The following LRRTM4 variants were observed in gnomAD, a reference collection of about 807,000 sequenced individuals.
The protein encoded by LRRTM4 is leucine-rich repeat transmembrane neuronal protein 4.
In LRRTM4, 25 loss-of-function variants were observed where a neutral mutation model predicts 47.6. The observed-to-expected ratio is 0.53, with a 90% CI of 0.38 to 0.73. LRRTM4 has a LOEUF of 0.73. Among genes scored for constraint, LRRTM4 ranks in the 30% least tolerant of loss-of-function variants. LRRTM4 has a pLI of 0.00. For missense variants in LRRTM4, 638 were observed against 713.4 expected, an observed-to-expected ratio of 0.89 and a Z score of 1.20; for synonymous variants, 311 against 269.5, an observed-to-expected ratio of 1.15 and a Z score of -1.51.
chr2:76,842,681 G>A (rs540695507), intron 3 of LRRTM4, among the ~76,000 whole-genome samples: 3 of 152,260 alleles, frequency 2.0e-5, no homozygotes, highest in Non-Finnish European at 4.4e-5. Flanking sequence ...ATGTAGAGGA[G>A]AGAATTAACC....
At chr2:76,909,900 A>G (rs1269178002) in intron 3 of LRRTM4, among the ~76,000 whole-genome samples, 1 of 152,236 alleles carries the variant, frequency 6.6e-6, no homozygotes, top group East Asian at 1.9e-4. Flanking sequence ...TGTTGGTGGG[A>G]CTGTCAACTA....
At position 76,908,043 on chromosome 2, in the gene LRRTM4, A is replaced by G. The variant is rs193209438; in HGVS notation, c.1552-159127T>C. ...AAGCTGGGCAGAGACACAGCCAAAA[A>G]ACAGAATTTTAGACCAATATCCTTG... On this transcript the variant is annotated intron_variant, in intron 3 of 3. Transcript: ENST00000409884. Among the ~76,000 whole-genome samples the G allele has an allele frequency of 2.2e-3, 333 of 152,172 alleles. 1 individual carries two copies. The highest frequency in any genetic ancestry group is 7.8e-3 in the African/African-American group (325 of 41,520).
intron 3 of LRRTM4, among the ~76,000 whole-genome samples, chr2:77,105,572 C>G (rs989094021): frequency 6.6e-6 from 1 of 151,908 alleles, no homozygotes; most frequent in Non-Finnish European, 1.5e-5. Context: ...TGACGAGTTA[C>G]TGGGTGCAGC....
chr2:76,986,794 T>G (rs1676814599), intron 3 of LRRTM4, among the ~76,000 whole-genome samples: 1 of 151,960 alleles, frequency 6.6e-6, no homozygotes, highest in Non-Finnish European at 1.5e-5. Flanking sequence ...TCCTTGGACT[T>G]TGCAGCTATA....
intron 3 of LRRTM4, among the ~76,000 whole-genome samples, chr2:76,898,672 TAG>T (rs149740961): frequency 0.081 from 12,225 of 151,436 alleles, 875 homozygotes; most frequent in East Asian, 0.38. Flanking sequence ...CACAGCCATA[TAG>T]AGTTTCCTGA....
intron 3 of LRRTM4, among the ~76,000 whole-genome samples, chr2:77,271,584 G>A (rs1176143586): frequency 3.9e-5 from 6 of 152,082 alleles, no homozygotes; most frequent in African/African-American, 7.2e-5. Flanking sequence ...GAAAAGTGCT[G>A]CATCATTAGT....
intron 3 of LRRTM4, among the ~76,000 whole-genome samples, chr2:77,308,828 A>C (rs1013530290): frequency 1.5e-5 from 2 of 132,696 alleles, no homozygotes; most frequent in Non-Finnish European, 3.2e-5. Flanking sequence ...CCTCTATCCA[A>C]TTATGCTTTA....
intron 3 of LRRTM4, among the ~76,000 whole-genome samples, chr2:76,998,920 A>G (rs1677307710): frequency 6.6e-6 from 1 of 152,082 alleles, no homozygotes; most frequent in African/African-American, 2.4e-5. Context: ...AACCACTATC[A>G]TAAAGAATAT....
At chr2:77,318,555 G>A (rs1677688835) in intron 3 of LRRTM4, among the ~76,000 whole-genome samples, 1 of 152,190 alleles carries the variant, frequency 6.6e-6, no homozygotes, top group Non-Finnish European at 1.5e-5. Flanking sequence ...CCCTTTTCAA[G>A]GCACAAAGCC....
At chr2:77,515,888 T>C (rs180799333) in intron 3 of LRRTM4, among the ~76,000 whole-genome samples, 5 of 152,008 alleles carry the variant, frequency 3.3e-5, no homozygotes, top group Admixed American at 2.6e-4. Flanking sequence ...TCTAAGAGTT[T>C]GCTTTTCCTC....
chr2:77,297,478 C>G (rs187454708), intron 3 of LRRTM4, among the ~76,000 whole-genome samples: 2 of 152,268 alleles, frequency 1.3e-5, no homozygotes, highest in South Asian at 2.1e-4. Context: ...AGAGGAAAGA[C>G]AGAAGTACAC....
chr2:77,517,933 G>A, intron 3 of LRRTM4: 7 of 998,930 alleles, frequency 7.0e-6, no homozygotes, highest in Non-Finnish European at 7.1e-6. Context: ...TTTAAATTAA[G>A]CTGGCCCTCT....
chr2:77,177,333 T>C (rs374315307), intron 3 of LRRTM4, among the ~76,000 whole-genome samples: 43 of 152,248 alleles, frequency 2.8e-4, no homozygotes, highest in African/African-American at 9.1e-4. Flanking sequence ...GATGAACAAA[T>C]AGACAGTAGC....
rs541032953 is a variant in LRRTM4 at position 76,800,936 on chromosome 2, AG to A, written c.1552-52021del. Among the ~76,000 whole-genome samples, 29 of 151,234 alleles carry A rather than the reference AG, an allele frequency of 1.9e-4. 2 individuals are homozygous for A. In the South Asian group the frequency reaches 5.9e-3, roughly 31 times the overall value. On this transcript the variant is annotated intron_variant, in intron 3 of 3. Transcript: ENST00000409884. ...AATGCTCATCATCACTGGCCATCAG[AG>A]AAATGCAAATGAAAACCACAATGAG... is the stretch of plus-strand genomic sequence containing the variant.
intron 3 of LRRTM4, among the ~76,000 whole-genome samples, chr2:77,168,876 C>T (rs1302269648): frequency 2.0e-5 from 3 of 152,064 alleles, no homozygotes; most frequent in Non-Finnish European, 2.9e-5. Context: ...GATAATACTC[C>T]ACCATAATCA....
In LRRTM4 at chr2:77,018,271, T is replaced by TC. The variant is rs1393328086; in HGVS notation, c.1552-269356_1552-269355insG. On this transcript the variant is annotated intron_variant, in intron 3 of 3. Coordinates refer to ENST00000409884, the MANE Select transcript of LRRTM4 (RefSeq NM_001134745.3). Reference sequence around the variant, plus strand: ...AAGCTCTTGATTGCTTTTTTTTTTTTTTTTTTGTCTTTGTTCTTTATCTGA... The same window carrying TC: ...AAGCTCTTGATTGCTTTTTTTTTTTTCTTTTTTGTCTTTGTTCTTTATCTGA... Among the ~76,000 whole-genome samples, 36 of 148,482 alleles carry TC rather than the reference T, an allele frequency of 2.4e-4. 1 individual carries two copies. In the Admixed American group the frequency reaches 2.4e-3, roughly 10 times the overall value.
intron 3 of LRRTM4, among the ~76,000 whole-genome samples, chr2:77,130,222 A>G (rs1320601805): frequency 1.3e-5 from 2 of 152,146 alleles, no homozygotes; most frequent in African/African-American, 2.4e-5. Flanking sequence ...CACAAAAAGT[A>G]TAAGTATAAT....
At chr2:77,485,353 C>T (rs1431091447) in intron 3 of LRRTM4, among the ~76,000 whole-genome samples, 2 of 152,076 alleles carry the variant, frequency 1.3e-5, no homozygotes, top group Non-Finnish European at 2.9e-5. Context: ...TGAACTGGAT[C>T]TTTAATCTTG....
intron 3 of LRRTM4, among the ~76,000 whole-genome samples, chr2:77,153,936 A>G (rs898173050): frequency 1.3e-5 from 2 of 152,212 alleles, no homozygotes; most frequent in Non-Finnish European, 2.9e-5. Flanking sequence ...CACATCAAAT[A>G]TGTTGTAAGA....
Sources: allele counts gnomAD v4.1 joint callset (sites outside exome capture counted in the v4.1 genomes callset), GRCh38; gene constraint gnomAD v4.1.1; transcripts MANE v1.5; gene names NCBI Gene and HGNC (gene_info 2026-07-23, HGNC 2026-07-21).